Variants in PPP2R2B observed in about 807,000 individuals in gnomAD.
PPP2R2B encodes protein phosphatase 2 regulatory subunit Bbeta.
In PPP2R2B, 5 loss-of-function variants were observed where a neutral mutation model predicts 46.0. That is an observed-to-expected ratio of 0.11 (90% confidence interval 0.06 to 0.23). PPP2R2B has a LOEUF of 0.23. Ranked by LOEUF, PPP2R2B falls within the 10% of genes least tolerant of loss-of-function variation. The pLI, the probability that PPP2R2B is intolerant of heterozygous loss-of-function variation, is 1.00. For synonymous variants in PPP2R2B, 215 were observed against 206.7 expected, an observed-to-expected ratio of 1.04 and a Z score of -0.34; for missense variants, 367 against 575.0, an observed-to-expected ratio of 0.64 and a Z score of 3.70.
At chr5:146,997,765 C>T (rs116679836) in intron 1 of PPP2R2B, among the ~76,000 whole-genome samples, 5 of 152,090 alleles carry the variant, frequency 3.3e-5, no homozygotes, top group Non-Finnish European at 7.4e-5. Flanking sequence ...TAGATATTTC[C>T]ACAAAACCTA....
chr5:146,700,218 G>A (rs1157318486), intron 3 of PPP2R2B, among the ~76,000 whole-genome samples: 5 of 152,042 alleles, frequency 3.3e-5, no homozygotes, highest in African/African-American at 9.7e-5. Flanking sequence ...CATGCTTCCC[G>A]AGTGCCCGGT....
intron 2 of PPP2R2B, among the ~76,000 whole-genome samples, chr5:146,754,157 G>A (rs1414510339): frequency 3.9e-5 from 6 of 152,152 alleles, no homozygotes; most frequent in Middle Eastern, 3.2e-3. Context: ...TACAACAGCC[G>A]TTCTGGAGGG....
chr5:146,788,315 T>A (rs1010696158), intron 2 of PPP2R2B, among the ~76,000 whole-genome samples: 3 of 152,054 alleles, frequency 2.0e-5, no homozygotes, highest in Admixed American at 2.0e-4. Context: ...ACATTTTTTT[T>A]TTCTTTAGCA....
chr5:146,886,057 G>A (rs959976422), intron 1 of PPP2R2B, among the ~76,000 whole-genome samples: 3 of 152,140 alleles, frequency 2.0e-5, no homozygotes, highest in South Asian at 2.1e-4. Flanking sequence ...AGATAGGGGC[G>A]GCCGGGCGCG....
intron 1 of PPP2R2B, among the ~76,000 whole-genome samples, chr5:146,898,112 G>T (rs1167126549): frequency 1.3e-5 from 2 of 152,202 alleles, no homozygotes; most frequent in East Asian, 3.8e-4. Flanking sequence ...TTGAACCAGG[G>T]AAGCGGAGGT....
At chr5:146,595,778 AAG>A (rs1250903587) in intron 8 of PPP2R2B, among the ~76,000 whole-genome samples, 1 of 152,236 alleles carries the variant, frequency 6.6e-6, no homozygotes, top group African/African-American at 2.4e-5. Context: ...AGCTTGGAGC[AAG>A]AGAGAACTTA....
chr5:146,957,832 A>G (rs1212810120), intron 1 of PPP2R2B, among the ~76,000 whole-genome samples: 1 of 152,178 alleles, frequency 6.6e-6, no homozygotes, highest in Non-Finnish European at 1.5e-5. Flanking sequence ...AGGAAGTGGG[A>G]AGACTATATC....
chr5:146,838,080 A>G (rs1759402512), intron 2 of PPP2R2B, among the ~76,000 whole-genome samples: 1 of 152,206 alleles, frequency 6.6e-6, no homozygotes, highest in Non-Finnish European at 1.5e-5. Context: ...CGTTAAAGAA[A>G]TCTTTATATG....
At chr5:146,785,431 C>T (rs1755776695) in intron 2 of PPP2R2B, among the ~76,000 whole-genome samples, 1 of 152,034 alleles carries the variant, frequency 6.6e-6, no homozygotes, top group Non-Finnish European at 1.5e-5. Flanking sequence ...ACCTGTAATC[C>T]CTGGTACTTG....
At position 146,600,251 on chromosome 5, in the gene PPP2R2B, G is replaced by T. The variant is rs775410782; in HGVS notation, c.960+40C>A. The T allele has an allele frequency of 1.9e-6, 3 of 1,591,216 alleles. No individual in the cohort carries two copies. In the Admixed American group the frequency reaches 5.4e-5, roughly 28 times the overall value. On this transcript the variant is annotated intron_variant, in intron 8 of 9. Transcript: ENST00000394411. ...GGGGCTGACTTAAAAGCTCATGAAG[G>T]GAATGTTCAATATACCTATGGGTGC...
Position 146,833,701 on chromosome 5 carries a change from C to T in PPP2R2B, c.70+44301G>A, listed in dbSNP as rs538324982. 1.1e-3 allele frequency among the ~76,000 whole-genome samples: 165 copies of T among 152,056 alleles called. 1 individual carries two copies. The highest frequency in any genetic ancestry group is 2.1e-3 in the African/African-American group (86 of 41,482). On this transcript the variant is annotated intron_variant, in intron 2 of 9. Coordinates refer to ENST00000394411, the MANE Select transcript of PPP2R2B (RefSeq NM_181675.4). ...ATGGTCATTGGAGTGTCAGGCGGGCCGTGTCTCTTCTTTTTCTGTCTCTCT... is the reference window on the plus strand; with the variant it reads ...ATGGTCATTGGAGTGTCAGGCGGGCTGTGTCTCTTCTTTTTCTGTCTCTCT...
intron 5 of PPP2R2B, among the ~76,000 whole-genome samples, chr5:146,684,919 G>C (rs1388445178): frequency 6.6e-6 from 1 of 152,148 alleles, no homozygotes. Context: ...GTTCTAGGCA[G>C]AGTCCCCGGT....
chr5:147,056,568 C>T (rs987183984), upstream of PPP2R2B, among the ~76,000 whole-genome samples: 1 of 152,146 alleles, frequency 6.6e-6, no homozygotes, highest in African/African-American at 2.4e-5. Flanking sequence ...ACTGACCCTT[C>T]ATCAATCTGT....
intron 2 of PPP2R2B, chr5:146,856,434 A>C: frequency 2.4e-6 from 3 of 1,234,956 alleles, no homozygotes; most frequent in Non-Finnish European, 3.5e-6. Flanking sequence ...AGCAATTGGA[A>C]CTATTTAACA....
Position 146,806,706 on chromosome 5 carries a change from T to G in PPP2R2B, c.70+71296A>C, listed in dbSNP as rs145510695. On this transcript the variant is annotated intron_variant, in intron 2 of 9. Transcript: ENST00000394411. ...ACTGGAATTTTTGCTGCAGCTTAAC[T>G]AGCAGTCACCAACCAGGATAGTATG... Among the ~76,000 whole-genome samples the G allele has an allele frequency of 2.0e-5, 3 of 152,326 alleles. No homozygotes were observed. In the East Asian group the frequency reaches 5.8e-4, roughly 29 times the overall value.
At chr5:146,724,846 T>A (rs1411839280) in intron 2 of PPP2R2B, among the ~76,000 whole-genome samples, 1 of 152,152 alleles carries the variant, frequency 6.6e-6, no homozygotes. Flanking sequence ...AATTCTTTAA[T>A]CATCATAATT....
chr5:146,749,385 T>G (rs1009789538), intron 2 of PPP2R2B, among the ~76,000 whole-genome samples: 1 of 152,220 alleles, frequency 6.6e-6, no homozygotes, highest in Admixed American at 6.5e-5. Context: ...GAGCAAATGT[T>G]TTAATTGTGA....
In PPP2R2B at chr5:146,825,538, C is replaced by A. The variant is rs560249086; in HGVS notation, c.70+52464G>T. ...CACTTGCTTGCATTTCTATTTGTAT[C>A]ATAAGTGTTTTTTCTTTCCAAACAG... On this transcript the variant is annotated intron_variant, in intron 2 of 9. Transcript: ENST00000394411. Among the ~76,000 whole-genome samples, 88 of 152,246 alleles carry A rather than the reference C, an allele frequency of 5.8e-4. 1 individual carries two copies. Among genetic ancestry groups the A allele is most frequent in the African/African-American group, 2.1e-3 (88 of 41,528 alleles).
At chr5:146,959,859 A>G (rs775577497) in intron 1 of PPP2R2B, among the ~76,000 whole-genome samples, 7 of 152,180 alleles carry the variant, frequency 4.6e-5, no homozygotes, top group Non-Finnish European at 8.8e-5. Flanking sequence ...AGGAAGAACA[A>G]GGGAGACTAG....
Sources: allele counts gnomAD v4.1 joint callset (sites outside exome capture counted in the v4.1 genomes callset), GRCh38; gene constraint gnomAD v4.1.1; transcripts MANE v1.5; gene names NCBI Gene and HGNC (gene_info 2026-07-23, HGNC 2026-07-21).